Variants in NYAP2 observed in about 807,000 individuals in gnomAD.
NYAP2 encodes the protein neuronal tyrosine-phosphorylated phosphoinositide-3-kinase adapter 2.
Under a neutral mutation model 50.4 loss-of-function variants are expected in NYAP2, and 23 were observed. The observed-to-expected ratio is 0.46, with a 90% CI of 0.33 to 0.65. The LOEUF (loss-of-function observed/expected upper bound fraction) is 0.65, where lower values mean the gene tolerates loss of function less well. Ranked by LOEUF, NYAP2 falls within the 30% of genes least tolerant of loss-of-function variation. The pLI is 0.02. For synonymous variants in NYAP2, 394 were observed against 365.2 expected (o/e 1.08, Z -0.90); for missense variants, 885 against 861.0 (o/e 1.03, Z -0.35).
chr2:225,674,410 G>A, the NYAP2 span, among the ~76,000 whole-genome samples: 2 of 152,250 alleles, frequency 1.3e-5, no homozygotes, highest in South Asian at 2.1e-4. Context: ...AAGCTTTGCT[G>A]TGGCTGTAGG....
intron 4 of NYAP2, among the ~76,000 whole-genome samples, chr2:225,542,637 A>G (rs1166258073): frequency 1.3e-5 from 2 of 151,924 alleles, no homozygotes; most frequent in Non-Finnish European, 2.9e-5. Context: ...GGCATGATGA[A>G]TGATCTTTTT....
At chr2:225,415,251 T>G (rs981588850) in intron 3 of NYAP2, among the ~76,000 whole-genome samples, 2 of 152,206 alleles carry the variant, frequency 1.3e-5, no homozygotes, top group Non-Finnish European at 2.9e-5. Context: ...CTATCTGTAT[T>G]TGAAAGATTC....
chr2:225,466,527 T>G (rs1288011704), intron 3 of NYAP2, among the ~76,000 whole-genome samples: 1 of 152,170 alleles, frequency 6.6e-6, no homozygotes, highest in African/African-American at 2.4e-5. Flanking sequence ...TGCAACTGAT[T>G]AGGGGTTATG....
intron 3 of NYAP2, among the ~76,000 whole-genome samples, chr2:225,455,926 T>C (rs1689731395): frequency 6.6e-6 from 1 of 152,220 alleles, no homozygotes; most frequent in Admixed American, 6.5e-5. Context: ...AGAAAATAAA[T>C]TTTAAAGAGT....
At chr2:225,665,284 T>A in the NYAP2 span, among the ~76,000 whole-genome samples, 2 of 152,126 alleles carry the variant, frequency 1.3e-5, no homozygotes, top group Non-Finnish European at 2.9e-5. Flanking sequence ...ATTTAGCACT[T>A]GTTACATGCC....
chr2:225,685,973 A>T, the NYAP2 span, among the ~76,000 whole-genome samples: 1 of 152,152 alleles, frequency 6.6e-6, no homozygotes, highest in Non-Finnish European at 1.5e-5. Context: ...ATGCAATATT[A>T]TGATTTTTTT....
chr2:225,462,045 G>T (rs1689842554), intron 3 of NYAP2, among the ~76,000 whole-genome samples: 1 of 152,140 alleles, frequency 6.6e-6, no homozygotes, highest in African/African-American at 2.4e-5. Flanking sequence ...ATTTCCCCCT[G>T]CAGTCTGTCT....
At chr2:225,463,116 A>G (rs1350201391) in intron 3 of NYAP2, among the ~76,000 whole-genome samples, 3 of 152,244 alleles carry the variant, frequency 2.0e-5, no homozygotes, top group African/African-American at 7.2e-5. Flanking sequence ...ATATATGCAT[A>G]TAGTACATTC....
chr2:225,405,757 C>T (rs1484543335), intron 2 of NYAP2, among the ~76,000 whole-genome samples: 1 of 151,814 alleles, frequency 6.6e-6, no homozygotes, highest in Admixed American at 6.6e-5. Flanking sequence ...TCCATATGTC[C>T]CAGTTTCTTT....
chr2:225,454,541 T>C (rs573067904), intron 3 of NYAP2, among the ~76,000 whole-genome samples: 14 of 152,212 alleles, frequency 9.2e-5, no homozygotes, highest in African/African-American at 3.4e-4. Context: ...CCAGAAGCTG[T>C]TAATATCTTA....
intron 2 of NYAP2, among the ~76,000 whole-genome samples, chr2:225,404,707 T>A (rs1048612184): frequency 6.6e-6 from 1 of 151,648 alleles, no homozygotes; most frequent in African/African-American, 2.4e-5. Context: ...AGTGAAAAAA[T>A]AAAATAAAGC....
chr2:225,670,749 G>A, the NYAP2 span, among the ~76,000 whole-genome samples: 2 of 151,966 alleles, frequency 1.3e-5, no homozygotes, highest in African/African-American at 4.8e-5. Flanking sequence ...GATTTCTTTG[G>A]ATTGTTTACA....
chr2:225,657,440 C>T (rs926993537), downstream of NYAP2, among the ~76,000 whole-genome samples: 1 of 151,850 alleles, frequency 6.6e-6, no homozygotes, highest in Non-Finnish European at 1.5e-5. Context: ...TGGGTGCCCA[C>T]CCCAACTCTG....
chr2:225,496,279 T>C (rs1690503205), intron 3 of NYAP2, among the ~76,000 whole-genome samples: 1 of 152,104 alleles, frequency 6.6e-6, no homozygotes, highest in South Asian at 2.1e-4. Flanking sequence ...GTCCAGATTG[T>C]GGCCCTGAGT....
downstream of NYAP2, among the ~76,000 whole-genome samples, chr2:225,654,624 C>A (rs1693795888): frequency 6.6e-6 from 1 of 152,096 alleles, no homozygotes; most frequent in African/African-American, 2.4e-5. Flanking sequence ...GCAGAGGTTG[C>A]AGTGAGCTGA....
chr2:225,508,756 C>T (rs770311982), intron 3 of NYAP2, among the ~76,000 whole-genome samples: 10 of 152,186 alleles, frequency 6.6e-5, no homozygotes, highest in Non-Finnish European at 8.8e-5. Flanking sequence ...GGTGTAATAC[C>T]TCATTGTGCT....
chr2:225,682,279 G>GT, the NYAP2 span, among the ~76,000 whole-genome samples: 1 of 152,090 alleles, frequency 6.6e-6, no homozygotes, highest in Non-Finnish European at 1.5e-5. Context: ...ACATTATAAG[G>GT]TCTTTAGTGA....
intron 3 of NYAP2, among the ~76,000 whole-genome samples, chr2:225,495,740 G>T (rs1358650220): frequency 6.6e-6 from 1 of 152,184 alleles, no homozygotes; most frequent in Non-Finnish European, 1.5e-5. Context: ...AACATGTGCA[G>T]TGTCGCCGCA....
chr2:225,685,415 G>GTAA, the NYAP2 span, among the ~76,000 whole-genome samples: 1 of 152,222 alleles, frequency 6.6e-6, no homozygotes, highest in South Asian at 2.1e-4. Flanking sequence ...AATACTGCTT[G>GTAA]TTCCTTCAGG....
Sources: allele counts gnomAD v4.1 joint callset (sites outside exome capture counted in the v4.1 genomes callset), GRCh38; gene constraint gnomAD v4.1.1; transcripts MANE v1.5; gene names NCBI Gene and HGNC (gene_info 2026-07-23, HGNC 2026-07-21).